Variants in SERINC1 observed in about 807,000 individuals in gnomAD.
SERINC1 encodes serine incorporator 1, also known as tumor differentially expressed protein 2.
Under a neutral mutation model 52.9 loss-of-function variants are expected in SERINC1, and 38 were observed. The ratio of observed to expected loss-of-function variants is 0.72; its 90% confidence interval spans 0.55 to 0.94. The LOEUF (loss-of-function observed/expected upper bound fraction) is 0.94, where lower values mean the gene tolerates loss of function less well. SERINC1 is among the 40% of genes least tolerant of loss of function. The pLI, the probability that SERINC1 is intolerant of heterozygous loss-of-function variation, is 0.00. For missense variants in SERINC1, 471 were observed against 533.9 expected, an observed-to-expected ratio of 0.88 and a Z score of 1.16; for synonymous variants, 198 against 183.1, an observed-to-expected ratio of 1.08 and a Z score of -0.66.
At chr6:122,450,598 G>A (rs1774887658) in intron 7 of SERINC1, among the ~76,000 whole-genome samples, 1 of 152,014 alleles carries the variant, frequency 6.6e-6, no homozygotes, top group African/African-American at 2.4e-5. Context: ...GATAGATCTG[G>A]GTGGACAAAG....
intron 1 of SERINC1, among the ~76,000 whole-genome samples, chr6:122,467,601 T>C (rs1775210733): frequency 6.6e-6 from 1 of 152,062 alleles, no homozygotes; most frequent in African/African-American, 2.4e-5. Context: ...AGTGAGATTC[T>C]GTCAAAAAAA....
In SERINC1 at chr6:122,443,777, A is replaced by T. The variant is rs1037825436; in HGVS notation, c.*1267T>A. ...CCAGTAATGAGGTGTAAAATCAATT[A>T]TGCATGTATTTTGAATAGAAATTAT... On this transcript the variant is annotated 3_prime_UTR_variant, in exon 10 of 10. Coordinates refer to ENST00000339697, the MANE Select transcript of SERINC1 (RefSeq NM_020755.4). 14 of 152,230 alleles carry T rather than the reference A, an allele frequency of 9.2e-5. No individual in the cohort carries two copies. Among genetic ancestry groups the T allele is most frequent in the Non-Finnish European group, 1.3e-4 (9 of 68,034 alleles). The allele number at this position is 152,230 out of a possible 1,614,324, so 9.4% of individuals were successfully genotyped here. A position where few individuals can be genotyped will look rare whatever the true frequency, so the allele number is the denominator to read the frequency against.
At chr6:122,464,417 A>G (rs1324292555) in intron 1 of SERINC1, among the ~76,000 whole-genome samples, 1 of 152,212 alleles carries the variant, frequency 6.6e-6, no homozygotes, top group Non-Finnish European at 1.5e-5. Context: ...AAAAAAAGTG[A>G]TAAAAGATTT....
At chr6:122,461,049 G>GT (rs1775092378) in intron 1 of SERINC1, among the ~76,000 whole-genome samples, 1 of 152,112 alleles carries the variant, frequency 6.6e-6, no homozygotes, top group Non-Finnish European at 1.5e-5. Context: ...TCAGAACATT[G>GT]TGAGACAACT....
intron 1 of SERINC1, among the ~76,000 whole-genome samples, chr6:122,462,685 G>C (rs1775124964): frequency 6.6e-6 from 1 of 152,042 alleles, no homozygotes; most frequent in Non-Finnish European, 1.5e-5. Context: ...GTTTAATAAG[G>C]TCACATGATA....
chr6:122,460,069 T>C (rs1049709900), intron 1 of SERINC1, among the ~76,000 whole-genome samples: 1 of 152,062 alleles, frequency 6.6e-6, no homozygotes, highest in Non-Finnish European at 1.5e-5. Context: ...CCTTATTTTA[T>C]TGATTAATTG....
At chr6:122,448,121 AAAGT>A (rs1242491434) in intron 7 of SERINC1, among the ~76,000 whole-genome samples, 1 of 152,036 alleles carries the variant, frequency 6.6e-6, no homozygotes, top group East Asian at 1.9e-4. Context: ...AAAAAAAAAA[AAAGT>A]AGGATTGCTA....
At chr6:122,458,023 C>A (rs1463697683) in intron 2 of SERINC1, among the ~76,000 whole-genome samples, 1 of 152,074 alleles carries the variant, frequency 6.6e-6, no homozygotes, top group Non-Finnish European at 1.5e-5. Context: ...CAGTGCTAGG[C>A]TCAGTCAATT....
chr6:122,459,283 C>G (rs903156089), intron 1 of SERINC1, among the ~76,000 whole-genome samples: 2 of 152,104 alleles, frequency 1.3e-5, no homozygotes, highest in Non-Finnish European at 2.9e-5. Flanking sequence ...ATCTTCCTGT[C>G]TAGGAGAGAG....
chr6:122,471,683 G>A lies in SERINC1; in HGVS notation c.39+16C>T, dbSNP rs1582641076. ...CTCTCACACTAGCACCCCAGAGGCC[G>A]CAAAAAGCACCTTACCCAGCTCGCC... On this transcript the variant is annotated intron_variant, in intron 1 of 9. Coordinates refer to ENST00000339697, the MANE Select transcript of SERINC1 (RefSeq NM_020755.4). 6.2e-7 allele frequency: 1 copy of A among 1,613,990 alleles called. No individual in the cohort carries two copies. Among genetic ancestry groups the A allele is most frequent in the South Asian group, 1.1e-5 (1 of 91,054 alleles).
chr6:122,452,380 G>A (rs1199682417), intron 5 of SERINC1, among the ~76,000 whole-genome samples: 1 of 151,932 alleles, frequency 6.6e-6, no homozygotes, highest in Non-Finnish European at 1.5e-5. Context: ...TCAAAATAAA[G>A]AAAAATAACT....
At chr6:122,445,883 CAA>C (rs71018202) in intron 9 of SERINC1, among the ~76,000 whole-genome samples, 10 of 62,816 alleles carry the variant, frequency 1.6e-4, no homozygotes, top group South Asian at 9.9e-4. Flanking sequence ...GACTCCATTT[CAA>C]AAAAAAAAAA....
chr6:122,445,410 T>G lies in SERINC1; in HGVS notation c.1227-231A>C, dbSNP rs1233254120. Among the ~76,000 whole-genome samples, 3 of 152,178 alleles carry G rather than the reference T, an allele frequency of 2.0e-5. 1 individual carries two copies. The South Asian group carries it at 6.2e-4, about 32-fold the overall frequency. ...ATACAGGCCTCTGAAATAGTTATTT[T>G]GCATAATCTCTGAAGCACTTTATGC... is the stretch of plus-strand genomic sequence containing the variant. On this transcript the variant is annotated intron_variant, in intron 9 of 9. Transcript: ENST00000339697.
chr6:122,446,999 C>T lies in SERINC1; in HGVS notation c.1001G>A (p.Arg334His), dbSNP rs1252775582. The change falls in exon 9 of 10, where the codon CGT becomes CAT. Residue 334 changes from arginine (R) to histidine (H), a missense_variant. Physicochemically the swap from Arg to His is conservative, Grantham distance 29. Transcript: ENST00000339697. Reference sequence around the variant, plus strand: ...ATTAACCTGACTATTGTTTGAAGTACGGATGCTGTATGAAAGAGAGTTTAG... The same window carrying T: ...ATTAACCTGACTATTGTTTGAAGTATGGATGCTGTATGAAAGAGAGTTTAG... Reference protein sequence around the residue: ...FLLCVFYSSIRTSNNSQVNKL... With the variant: ...FLLCVFYSSIHTSNNSQVNKL... The T allele has an allele frequency of 5.0e-6, 8 of 1,604,720 alleles. No homozygotes were observed. Among genetic ancestry groups the T allele is most frequent in the East Asian group, 2.2e-5 (1 of 44,836 alleles).
Position 122,446,949 on chromosome 6 carries a change from A to T in SERINC1, c.1051T>A (p.Ser351Thr). The T allele has an allele frequency of 6.2e-7, 1 of 1,613,752 alleles. No homozygotes were observed. The highest frequency in any genetic ancestry group is 1.3e-5 in the African/African-American group (1 of 75,036). The change falls in exon 9 of 10, where the codon TCT becomes ACT. Residue 351 changes from serine to threonine, a missense_variant. Coordinates refer to ENST00000339697, the MANE Select transcript of SERINC1 (RefSeq NM_020755.4). Reference sequence around the variant, plus strand: ...GCTCCACCATCTTCTATTAATGTAGATTCATCACTTGTTAGAGTCAGTTTA... The same window carrying T: ...GCTCCACCATCTTCTATTAATGTAGTTTCATCACTTGTTAGAGTCAGTTTA... ...VNKLTLTSDE[S>T]TLIEDGGARS... is the part of the protein sequence containing the mutation.
At chr6:122,462,745 A>G (rs1466380385) in intron 1 of SERINC1, among the ~76,000 whole-genome samples, 2 of 152,262 alleles carry the variant, frequency 1.3e-5, no homozygotes, top group Non-Finnish European at 2.9e-5. Flanking sequence ...ATAACTGAAA[A>G]CAAAAAGAAA....
intron 1 of SERINC1, among the ~76,000 whole-genome samples, chr6:122,462,791 C>G (rs928363487): frequency 3.3e-5 from 5 of 152,066 alleles, no homozygotes; most frequent in African/African-American, 1.2e-4. Context: ...GACAAGATCT[C>G]AAATAATGAA....
intron 9 of SERINC1, among the ~76,000 whole-genome samples, chr6:122,446,389 C>T (rs531733105): frequency 6.6e-6 from 1 of 151,590 alleles, no homozygotes; most frequent in African/African-American, 2.4e-5. Context: ...TGAATTCATA[C>T]TTAAATTTAA....
Position 122,456,724 on chromosome 6 carries a change from T to C in SERINC1, c.202-74A>G, listed in dbSNP as rs1775003691. ...AAAATAAAAATTACATGTAATCAAA[T>C]AGTTTAAGTAAAGGTTTAGAAAACT... On this transcript the variant is annotated intron_variant, in intron 2 of 9. Transcript: ENST00000339697. 9 of 1,128,320 alleles carry C rather than the reference T, an allele frequency of 8.0e-6. No homozygotes were observed. In the South Asian group the frequency reaches 1.3e-4, roughly 17 times the overall value. The allele number at this position is 1,128,320 out of a possible 1,614,324, so 69.9% of individuals were successfully genotyped here. A position where few individuals can be genotyped will look rare whatever the true frequency, so the allele number is the denominator to read the frequency against.
Sources: allele counts gnomAD v4.1 joint callset (sites outside exome capture counted in the v4.1 genomes callset), GRCh38; gene constraint gnomAD v4.1.1; transcripts MANE v1.5; gene names NCBI Gene and HGNC (gene_info 2026-07-23, HGNC 2026-07-21).